Variants in PAMR1 observed in about 807,000 individuals in gnomAD.
PAMR1 encodes inactive serine protease PAMR1.
A neutral mutation model predicts 81.8 loss-of-function variants in PAMR1; 88 were observed. The observed-to-expected ratio is 1.08, with a 90% CI of 0.91 to 1.28. The LOEUF is 1.28. Ranked by LOEUF, PAMR1 falls within the 50% of genes most tolerant of loss-of-function variation. PAMR1 has a pLI of 0.00. For missense variants in PAMR1, 935 were observed against 919.7 expected, an observed-to-expected ratio of 1.02 and a Z score of -0.21; for synonymous variants, 336 against 345.3, an observed-to-expected ratio of 0.97 and a Z score of 0.30.
chr11:35,457,623 G>C (rs1485443383), intron 6 of PAMR1, among the ~76,000 whole-genome samples: 1 of 152,144 alleles, frequency 6.6e-6, no homozygotes, highest in Non-Finnish European at 1.5e-5. Context: ...GGTGTCTTAG[G>C]TTGGGTTCTC....
chr11:35,471,301 T>C (rs1850176228), intron 4 of PAMR1, among the ~76,000 whole-genome samples: 1 of 152,198 alleles, frequency 6.6e-6, no homozygotes, highest in South Asian at 2.1e-4. Flanking sequence ...GCCTGTCTTC[T>C]CCACTGGCCT....
intron 10 of PAMR1, 95 bp downstream of exon 10, chr11:35,434,417 G>A: frequency 1.6e-6 from 2 of 1,255,648 alleles, no homozygotes; most frequent in Non-Finnish European, 1.1e-6. Context: ...CTGCTGACAT[G>A]CTAAGGGGAC....
chr11:35,522,649 T>C (rs1851305722), intron 1 of PAMR1, among the ~76,000 whole-genome samples: 1 of 152,234 alleles, frequency 6.6e-6, no homozygotes, highest in Non-Finnish European at 1.5e-5. Context: ...CTATGAACAT[T>C]GATGTAAACA....
intron 1 of PAMR1, among the ~76,000 whole-genome samples, chr11:35,515,263 C>T (rs10734438): frequency 0.35 from 53,226 of 151,882 alleles, 9,760 homozygotes; most frequent in East Asian, 0.61. Flanking sequence ...TTGCCAAAAG[C>T]TTCCAGAATT....
At chr11:35,451,398 A>G (rs1000934967) in intron 6 of PAMR1, among the ~76,000 whole-genome samples, 1 of 152,228 alleles carries the variant, frequency 6.6e-6, no homozygotes, top group African/African-American at 2.4e-5. Flanking sequence ...GAATATAGCT[A>G]TATTTCCATA....
intron 1 of PAMR1, chr11:35,513,363 A>C (rs1355615091): frequency 6.6e-6 from 1 of 152,220 alleles, no homozygotes; most frequent in Non-Finnish European, 1.5e-5. Context: ...GAGGGGTTAA[A>C]TACTCACAAG....
intron 8 of PAMR1, among the ~76,000 whole-genome samples, chr11:35,438,604 G>A (rs986507624): frequency 6.6e-6 from 1 of 152,198 alleles, no homozygotes; most frequent in African/African-American, 2.4e-5. Context: ...TGCCTACTAT[G>A]TGGCAGGTAC....
upstream of PAMR1, among the ~76,000 whole-genome samples, chr11:35,526,335 A>G (rs1461232852): frequency 6.6e-6 from 1 of 152,244 alleles, no homozygotes; most frequent in African/African-American, 2.4e-5. Context: ...TGGTGAATTC[A>G]GCAACATAAA....
chr11:35,460,730 G>T (rs1856635011), intron 6 of PAMR1, among the ~76,000 whole-genome samples: 1 of 152,152 alleles, frequency 6.6e-6, no homozygotes, highest in Non-Finnish European at 1.5e-5. Flanking sequence ...ATCATTGTTG[G>T]ACATTTGGGT....
intron 6 of PAMR1, among the ~76,000 whole-genome samples, chr11:35,460,086 G>C (rs1319440807): frequency 2.0e-5 from 3 of 152,208 alleles, no homozygotes; most frequent in Non-Finnish European, 2.9e-5. Flanking sequence ...TTTGCAAAGA[G>C]GAAGCTTTCA....
chr11:35,455,088 A>G (rs1437925189), intron 6 of PAMR1, among the ~76,000 whole-genome samples: 1 of 152,214 alleles, frequency 6.6e-6, no homozygotes, highest in East Asian at 1.9e-4. Context: ...GATGGATTTT[A>G]GTGGATTCAA....
intron 1 of PAMR1, among the ~76,000 whole-genome samples, chr11:35,509,939 A>G (rs566493334): frequency 2.6e-5 from 4 of 152,338 alleles, no homozygotes; most frequent in South Asian, 2.1e-4. Flanking sequence ...GTGCTTCCCA[A>G]TGAATAAGCA....
At chr11:35,485,870 A>G (rs944168976) in intron 3 of PAMR1, among the ~76,000 whole-genome samples, 7 of 152,210 alleles carry the variant, frequency 4.6e-5, no homozygotes, top group Non-Finnish European at 8.8e-5. Context: ...GTCTGAAAGG[A>G]TCGCTTGGGC....
At chr11:35,512,771 T>C (rs1410867280) in intron 1 of PAMR1, among the ~76,000 whole-genome samples, 1 of 152,162 alleles carries the variant, frequency 6.6e-6, no homozygotes, top group Non-Finnish European at 1.5e-5. Context: ...AGCTGGAGGA[T>C]CTCTTGAGCC....
intron 3 of PAMR1, among the ~76,000 whole-genome samples, chr11:35,486,493 G>A (rs904480263): frequency 6.6e-6 from 1 of 152,208 alleles, no homozygotes; most frequent in African/African-American, 2.4e-5. Flanking sequence ...GACTGGATGG[G>A]TAGATTAATG....
chr11:35,478,498 T>C (rs1850322625), intron 3 of PAMR1, among the ~76,000 whole-genome samples: 1 of 152,148 alleles, frequency 6.6e-6, no homozygotes, highest in African/African-American at 2.4e-5. Context: ...AAGGGGCCAC[T>C]TCTTGGAAAT....
chr11:35,472,544 A>G (rs1377397200), intron 4 of PAMR1, among the ~76,000 whole-genome samples: 1 of 152,228 alleles, frequency 6.6e-6, no homozygotes, highest in Non-Finnish European at 1.5e-5. Flanking sequence ...AGTGCCGTGA[A>G]TCAAATTAAC....
intron 6 of PAMR1, among the ~76,000 whole-genome samples, chr11:35,467,294 T>C (rs1856774375): frequency 6.6e-6 from 1 of 152,152 alleles, no homozygotes; most frequent in African/African-American, 2.4e-5. Context: ...TCCTTAACAC[T>C]TCACTTGTGT....
chr11:35,473,682 T>C (rs778098197), intron 4 of PAMR1, among the ~76,000 whole-genome samples: 2 of 152,168 alleles, frequency 1.3e-5, no homozygotes, highest in Admixed American at 6.5e-5. Context: ...CAGGGTACCA[T>C]GTTGCCCCTC....
Sources: gnomAD v4.1 joint callset for allele counts (sites outside exome capture counted in the v4.1 genomes callset) on GRCh38, gnomAD v4.1.1 for gene constraint, MANE v1.5 for transcripts, NCBI Gene and HGNC (gene_info 2026-07-23, HGNC 2026-07-21) for gene names.